The following HSPG2 variants were observed in gnomAD, a reference collection of about 807,000 sequenced individuals.
HSPG2 encodes the protein heparan sulfate proteoglycan 2.
HSPG2 carries 278 observed loss-of-function variants against 526.6 expected under a neutral mutation model. The observed-to-expected ratio is 0.53, with a 90% confidence interval of 0.48 to 0.58. The LOEUF (loss-of-function observed/expected upper bound fraction) is 0.58, where lower values mean the gene tolerates loss of function less well. Ranked by LOEUF, HSPG2 falls within the 20% of genes least tolerant of loss-of-function variation. The pLI, the probability that HSPG2 is intolerant of heterozygous loss-of-function variation, is 0.00. For missense variants in HSPG2, 5,354 were observed against 6,099.5 expected, an observed-to-expected ratio of 0.88 and a Z score of 4.07; for synonymous variants, 2,465 against 2,555.4, an observed-to-expected ratio of 0.96 and a Z score of 1.07.
At position 21,885,187 on chromosome 1, in the gene HSPG2, C is replaced by T. The variant is rs113201880; in HGVS notation, c.1211-30G>A. 0.039 allele frequency: 61,967 copies of T among 1,599,152 alleles called. 2,337 individuals are homozygous for T. Among genetic ancestry groups the T allele is most frequent in the African/African-American group, 0.2 (14,956 of 74,666 alleles). On this transcript the variant is annotated intron_variant, in intron 10 of 96. Transcript: ENST00000374695. The stretch of plus-strand genomic sequence containing the variant: ...GGAGACCAGGGCAGGAGTGAGGGGT[C>T]GGGGGCAAAGGAAGGAGGAGCGGAA...
intron 9 of HSPG2, among the ~76,000 whole-genome samples, chr1:21,886,573 C>G (rs865774910): frequency 1.3e-5 from 2 of 152,108 alleles, no homozygotes; most frequent in Non-Finnish European, 2.9e-5. Flanking sequence ...CTGATGTGGT[C>G]GCTGCCTCTC....
chr1:21,846,915 G>T (rs138901648), intron 62 of HSPG2, among the ~76,000 whole-genome samples: 1 of 152,048 alleles, frequency 6.6e-6, no homozygotes, highest in Non-Finnish European at 1.5e-5. Flanking sequence ...CAGGAGAATC[G>T]CTTGAACCTG....
chr1:21,826,824 TAAC>T (rs1024096854), intron 91 of HSPG2, among the ~76,000 whole-genome samples: 21 of 152,168 alleles, frequency 1.4e-4, no homozygotes, highest in Non-Finnish European at 2.4e-4. Flanking sequence ...AACATAATAT[TAAC>T]AACAGCTAAC....
chr1:21,839,900 C>A lies in HSPG2; in HGVS notation c.9631G>T (p.Ala3211Ser). 6.2e-7 allele frequency: 1 copy of A among 1,614,112 alleles called. No individual in the cohort carries two copies. The highest frequency in any genetic ancestry group is 8.5e-7 in the Non-Finnish European group (1 of 1,180,012). Residue 3211 changes from alanine (A) to serine (S), a missense_variant, in exon 72 of 97, where the codon GCC (alanine) becomes TCC (serine). Transcript: ENST00000374695. This position sits in a 1 kb window ranked among gnomAD's most constrained non-coding sequence, Gnocchi z 4.5. The part of the protein sequence containing the change: ...IVDTGAMAPG[A>S]PQVQAEEAEL... Reference sequence around the variant, plus strand: ...GCTTCTTCAGCTTGGACCTGAGGGGCCCCTGGGGCCATGGCGCCCGTGTCC... The same window carrying A: ...GCTTCTTCAGCTTGGACCTGAGGGGACCCTGGGGCCATGGCGCCCGTGTCC...
intron 1 of HSPG2, chr1:21,908,192 G>A (rs879067379): frequency 7.0e-6 from 6 of 856,312 alleles, no homozygotes; most frequent in East Asian, 2.4e-5. Context: ...ACGTATATGC[G>A]AATCTATAAG....
chr1:21,823,722 G>A lies in HSPG2; in HGVS notation c.12900-3C>T, dbSNP rs1463298429. The A allele has an allele frequency of 6.2e-7, 1 of 1,612,060 alleles. No individual in the cohort carries two copies. Among genetic ancestry groups the A allele is most frequent in the Non-Finnish European group, 8.5e-7 (1 of 1,179,082 alleles). ...GGATGGAACCTCTGCGGCCCTCCCTGCAGTGGAACTGGGTCAGGCCCCTTT... is the reference window on the plus strand; with the variant it reads ...GGATGGAACCTCTGCGGCCCTCCCTACAGTGGAACTGGGTCAGGCCCCTTT... On this transcript the variant is annotated splice_polypyrimidine_tract_variant and splice_region_variant and intron_variant, in intron 95 of 96. Transcript: ENST00000374695.
rs1200788746 is a variant in HSPG2 at position 21,865,269 on chromosome 1, G to A, written c.4395+16C>T. 3.1e-6 allele frequency: 5 copies of A among 1,612,976 alleles called. No homozygotes were observed. Among genetic ancestry groups the A allele is most frequent in the Non-Finnish European group, 4.2e-6 (5 of 1,178,954 alleles). On this transcript the variant is annotated intron_variant, in intron 35 of 96. Transcript: ENST00000374695. The surrounding 1 kb of genome is among the most constrained non-coding windows in gnomAD (Gnocchi z 5.4). ...GTGGGGTGGGGTTAGACACAGCATG[G>A]CCAGGTGCCCCTTACCTCTCGGAAC...
At position 21,847,657 on chromosome 1, in the gene HSPG2, T is replaced by G; in HGVS notation, c.8025+32A>C. On this transcript the variant is annotated intron_variant, in intron 61 of 96. Coordinates refer to ENST00000374695, the MANE Select transcript of HSPG2 (RefSeq NM_005529.7). The surrounding 1 kb of genome is among the most constrained non-coding windows in gnomAD (Gnocchi z 4.1). ...TCTGCTCACCCCAGGAGACCATGGT[T>G]CCACCCCCGCTGCTGTGGCTCCACT... 1 of 1,600,612 alleles carries G rather than the reference T, an allele frequency of 6.2e-7. No homozygotes were observed. The highest frequency in any genetic ancestry group is 8.5e-7 in the Non-Finnish European group (1 of 1,173,832).
chr1:21,837,405 C>T lies in HSPG2; in HGVS notation c.10151-399G>A, dbSNP rs34602840. Among the ~76,000 whole-genome samples the T allele has an allele frequency of 6.1e-3, 932 of 152,066 alleles. 12 individuals are homozygous for T. The highest frequency in any genetic ancestry group is 0.017 in the South Asian group (84 of 4,818). ...AAGCGATTCTCCTGCCTCAGCCTCC[C>T]GAGTAGCTGAGACTACAGGTGCGCC... On this transcript the variant is annotated intron_variant, in intron 74 of 96. Transcript: ENST00000374695.
intron 1 of HSPG2, among the ~76,000 whole-genome samples, chr1:21,933,306 T>C (rs1439925748): frequency 1.3e-5 from 2 of 151,858 alleles, no homozygotes; most frequent in African/African-American, 4.8e-5. Context: ...GGCCGGGTGT[T>C]GCAGGGCCTC....
chr1:21,915,078 CCTTTG>C (rs1257902572), intron 1 of HSPG2, among the ~76,000 whole-genome samples: 2 of 3,160 alleles, frequency 6.3e-4, no homozygotes, highest in Non-Finnish European at 5.4e-3. Flanking sequence ...GCCTTTGTTA[CCTTTG>C]TTACCAAGGG....
chr1:21,878,727 G>T, intron 18 of HSPG2, 64 bp from the exon 19 acceptor site: 1 of 1,445,124 alleles, frequency 6.9e-7, no homozygotes, highest in Non-Finnish European at 9.7e-7. Flanking sequence ...CTCCCACCCT[G>T]GGAAATGACT....
rs779110676 is a variant in HSPG2 at position 21,832,506 on chromosome 1, C to G, written c.11196G>C (p.Arg3732Ser). The G allele has an allele frequency of 6.2e-7, 1 of 1,614,096 alleles. No homozygotes were observed. The highest frequency in any genetic ancestry group is 8.5e-7 in the Non-Finnish European group (1 of 1,179,942). The change falls in exon 81 of 97, where the codon AGG becomes AGC. Residue 3732 changes from arginine to serine, a missense_variant. Arg to Ser is a moderately radical substitution (Grantham distance 110, BLOSUM62 -1). Coordinates refer to ENST00000374695, the MANE Select transcript of HSPG2 (RefSeq NM_005529.7). ...GCTGGGGGTCTCACCGGAACTCGGGCCTTCCCCCCACGAGGCCGAAGGAGA... is the reference window on the plus strand; with the variant it reads ...GCTGGGGGTCTCACCGGAACTCGGGGCTTCCCCCCACGAGGCCGAAGGAGA... ...DFISFGLVGG[R>S]PEFRFDAGSG...
In HSPG2 at chr1:21,922,808, T is replaced by G. The variant is rs556382938; in HGVS notation, c.63+14347A>C. ...GGTGGGGCCCAGGCCGGCTGAAAGC[T>G]TTGATCTTATCACACATTCCTGCCC... is the stretch of plus-strand genomic sequence containing the variant. On this transcript the variant is annotated intron_variant, in intron 1 of 96. Transcript: ENST00000374695. Among the ~76,000 whole-genome samples the G allele has an allele frequency of 8.5e-5, 13 of 152,260 alleles. 1 individual carries two copies. In the South Asian group the frequency reaches 2.7e-3, roughly 32 times the overall value.
intron 50 of HSPG2, 101 bp from the exon 51 acceptor site, chr1:21,853,171 GCCGACAGGTGGCCTTT>G: frequency 6.6e-7 from 1 of 1,520,468 alleles, no homozygotes; most frequent in Non-Finnish European, 8.9e-7. Context: ...AGTGGGGACG[GCCGACAGGTGGCCTTT>G]CTGGGACTAG....
chr1:21,830,801 G>A, intron 85 of HSPG2, 181 bp downstream of exon 85: 1 of 612,978 alleles, frequency 1.6e-6, no homozygotes, highest in Non-Finnish European at 2.9e-6. Context: ...CAGCAGTGAT[G>A]GGGTGAGGGC....
At chr1:21,935,781 G>T (rs1381928581) in intron 1 of HSPG2, among the ~76,000 whole-genome samples, 10 of 152,238 alleles carry the variant, frequency 6.6e-5, no homozygotes, top group African/African-American at 2.4e-4. Context: ...GTAAAAGTCA[G>T]TGCCAGGAGT....
At chr1:21,830,414 TG>T (rs1285728620) in intron 85 of HSPG2, 5 of 381,642 alleles carry the variant, frequency 1.3e-5, no homozygotes, top group Non-Finnish European at 4.9e-6. Context: ...GGGCCGGGCG[TG>T]GGGGCTCATG....
In HSPG2 at chr1:21,865,082, G is replaced by A; in HGVS notation, c.4396-9C>T. 4 of 1,560,726 alleles carry A rather than the reference G, an allele frequency of 2.6e-6. No individual in the cohort carries two copies. Among genetic ancestry groups the A allele is most frequent in the Non-Finnish European group, 3.5e-6 (4 of 1,155,752 alleles). On this transcript the variant is annotated splice_polypyrimidine_tract_variant and intron_variant, in intron 35 of 96. Transcript: ENST00000374695. The surrounding 1 kb of genome is among the most constrained non-coding windows in gnomAD (Gnocchi z 5.4). Reference sequence around the variant, plus strand: ...GGCCGGCGCCAGAATTCCTGGGTTGGGGGTGGCAACGTGGGCGGGGGCAGT... The same window carrying A: ...GGCCGGCGCCAGAATTCCTGGGTTGAGGGTGGCAACGTGGGCGGGGGCAGT...
Sources: gnomAD v4.1 joint callset for allele counts (sites outside exome capture counted in the v4.1 genomes callset) on GRCh38, gnomAD v4.1.1 for gene constraint, Gnocchi (gnomAD v3.1) non-coding constraint, MANE v1.5 for transcripts, NCBI Gene and HGNC (gene_info 2026-07-23, HGNC 2026-07-21) for gene names.